NEK1: variants seen among roughly 807,000 people sequenced by gnomAD.
NEK1 encodes NIMA related kinase 1.
In NEK1, 137 loss-of-function variants were observed where a neutral mutation model predicts 182.1. That is an observed-to-expected ratio of 0.75 (90% CI 0.65 to 0.87). The LOEUF (loss-of-function observed/expected upper bound fraction) is 0.87, where lower values mean the gene tolerates loss of function less well. NEK1 is among the 40% of genes least tolerant of loss of function. The pLI is 0.00. For synonymous variants in NEK1, 513 were observed against 492.2 expected, an observed-to-expected ratio of 1.04 and a Z score of -0.56; for missense variants, 1,391 against 1,494.4, an observed-to-expected ratio of 0.93 and a Z score of 1.14.
rs1293615160 is a variant in NEK1, at chr4:169,466,587, A to G, written c.2435-3192T>C. On this transcript the variant is annotated intron_variant, in intron 26 of 35. Transcript: ENST00000507142. ...AAAATATCTTTGCAAAAGGAAGGCT[A>G]AATAAAATAAAAATAAAAACTTTTA... Among the ~76,000 whole-genome samples the G allele has an allele frequency of 2.0e-5, 3 of 152,210 alleles. No individual in the cohort carries two copies. The East Asian group carries it at 5.8e-4, about 29-fold the overall frequency.
chr4:169,591,085 A>C (rs752746540), intron 5 of NEK1, among the ~76,000 whole-genome samples: 1 of 152,130 alleles, frequency 6.6e-6, no homozygotes, highest in Admixed American at 6.5e-5. Flanking sequence ...TTTATATTTT[A>C]TAATATTAAG....
In NEK1 at chr4:169,413,237, G is replaced by A. The variant is rs553401092; in HGVS notation, c.3223-6490C>T. 2.0e-4 allele frequency among the ~76,000 whole-genome samples: 30 copies of A among 151,684 alleles called. 1 individual carries two copies. The South Asian group carries it at 6.0e-3, about 30-fold the overall frequency. On this transcript the variant is annotated intron_variant, in intron 31 of 35. Coordinates refer to ENST00000507142, the MANE Select transcript of NEK1 (RefSeq NM_001199397.3). Reference sequence around the variant, plus strand: ...GGCTGGAGCGTGACGGCATGAACACGGCTTACTGCAGCCTTGACTTCCTGG... The same window carrying A: ...GGCTGGAGCGTGACGGCATGAACACAGCTTACTGCAGCCTTGACTTCCTGG...
Position 169,612,250 on chromosome 4 carries a change from G to T in NEK1, c.-201C>A, listed in dbSNP as rs1260642419. ...ACACTCGTCTTCAGTTGATACCACG[G>T]GTTTGACTCCGTCCTGTCTCGGGCG... On this transcript the variant is annotated 5_prime_UTR_variant, in exon 1 of 36. Coordinates refer to ENST00000507142, the MANE Select transcript of NEK1 (RefSeq NM_001199397.3). 6.6e-6 allele frequency: 1 copy of T among 152,328 alleles called. No homozygotes were observed. Among genetic ancestry groups the T allele is most frequent in the African/African-American group, 2.4e-5 (1 of 41,464 alleles). The allele number at this position is 152,328 out of a possible 1,614,324, so 9.4% of individuals were successfully genotyped here.
chr4:169,475,027 G>C (rs1280407773), intron 26 of NEK1, among the ~76,000 whole-genome samples: 1 of 152,134 alleles, frequency 6.6e-6, no homozygotes, highest in Admixed American at 6.6e-5. Context: ...GTCCCTGAGA[G>C]AGGGAAAAAA....
rs1255756990 is a variant in NEK1 at position 169,508,781 on chromosome 4, G to C, written c.1737C>G (p.Asn579Lys). 2.6e-5 allele frequency: 41 copies of C among 1,583,410 alleles called. No individual in the cohort carries two copies. Among genetic ancestry groups the C allele is most frequent in the Non-Finnish European group, 3.5e-5 (41 of 1,172,306 alleles). The change falls in exon 20 of 36, where the codon AAC becomes AAG. Residue 579 changes from asparagine (N) to lysine (K), a missense_variant. This residue lies in a region of NEK1 where 1,216 missense variants were observed against 1,277.6 expected (regional missense o/e 0.95). Coordinates refer to ENST00000507142, the MANE Select transcript of NEK1 (RefSeq NM_001199397.3). Reference sequence around the variant, plus strand: ...GCGGGAAGCATACCTCTTCCTCTTTGTTTCTTGGCTTCCCTCCTCTTGAAG... The same window carrying C: ...GCGGGAAGCATACCTCTTCCTCTTTCTTTCTTGGCTTCCCTCCTCTTGAAG... ...PSSSRGGKPRNKEEEVYLARL... is the reference protein window; with the variant it reads ...PSSSRGGKPRKKEEEVYLARL...
intron 31 of NEK1, among the ~76,000 whole-genome samples, chr4:169,423,723 T>C (rs1735878795): frequency 6.6e-6 from 1 of 152,134 alleles, no homozygotes; most frequent in Admixed American, 6.5e-5. Flanking sequence ...TAATTGTAGA[T>C]ATGTACAAAG....
At chr4:169,545,783 G>A (rs1257543046) in intron 18 of NEK1, among the ~76,000 whole-genome samples, 1 of 151,980 alleles carries the variant, frequency 6.6e-6, no homozygotes, top group Non-Finnish European at 1.5e-5. Flanking sequence ...GTTTTGATTT[G>A]CATTTCTCTG....
chr4:169,575,192 G>A (rs1178705982), intron 12 of NEK1, among the ~76,000 whole-genome samples: 1 of 152,134 alleles, frequency 6.6e-6, no homozygotes, highest in Non-Finnish European at 1.5e-5. Context: ...GGCCCACTTA[G>A]GTTTGAATAC....
At chr4:169,567,645 C>T (rs13327919) in intron 12 of NEK1, among the ~76,000 whole-genome samples, 13,403 of 152,194 alleles carry the variant, frequency 0.088, 766 homozygotes, top group African/African-American at 0.16. Context: ...CCACCTGCCT[C>T]GGCCTCCCAA....
At chr4:169,582,920 A>G (rs1199804661) in intron 10 of NEK1, among the ~76,000 whole-genome samples, 1 of 152,074 alleles carries the variant, frequency 6.6e-6, no homozygotes, top group East Asian at 1.9e-4. Context: ...CAGCCCCTAC[A>G]TTCCTAATGA....
chr4:169,561,507 T>C lies in NEK1; in HGVS notation c.1239A>G (p.Leu413=), dbSNP rs1762895466. The change falls in exon 16 of 36, where the codon CTA becomes CTG. Residue 413 remains leucine (L), a synonymous_variant. Transcript: ENST00000507142. ...RAREQGWRNV[L]SAGGSGEVKA... is the part of the protein sequence containing the mutation. ...TTACTTCACCACTTCCACCAGCACT[T>C]AGCACATTTCTCCATCCTTGTTCCC... 1.2e-6 allele frequency: 2 copies of C among 1,613,602 alleles called. No individual in the cohort carries two copies. The highest frequency in any genetic ancestry group is 1.7e-6 in the Non-Finnish European group (2 of 1,179,672).
chr4:169,593,903 G>C (rs1301505753), intron 5 of NEK1, among the ~76,000 whole-genome samples: 1 of 151,828 alleles, frequency 6.6e-6, no homozygotes, highest in Non-Finnish European at 1.5e-5. Context: ...GCAGGAGAAT[G>C]GCGTGAACCC....
chr4:169,403,070 T>C (rs1291728882), intron 32 of NEK1, among the ~76,000 whole-genome samples: 1 of 152,344 alleles, frequency 6.6e-6, no homozygotes, highest in Middle Eastern at 3.4e-3. Flanking sequence ...AACACTATTG[T>C]GTAAGACTGT....
intron 19 of NEK1, among the ~76,000 whole-genome samples, chr4:169,514,000 T>TA (rs57979138): frequency 6.6e-6 from 1 of 151,080 alleles, no homozygotes; most frequent in African/African-American, 2.4e-5. Flanking sequence ...TTTATTTATT[T>TA]TTTGAGACAG....
chr4:169,492,719 A>C (rs1750342716), intron 23 of NEK1, among the ~76,000 whole-genome samples: 1 of 152,166 alleles, frequency 6.6e-6, no homozygotes, highest in Admixed American at 6.5e-5. Flanking sequence ...ACCCGCAGAC[A>C]TACTACACAA....
chr4:169,508,265 T>C lies in NEK1; in HGVS notation c.1816A>G (p.Lys606Glu), dbSNP rs200676072. The part of the protein sequence containing the change: ...NFNERQQIKA[K>E]LRGEKKEANH... ...CAACCTACCTTTTCACCACGAAGTT[T>C]GGCTTTAATCTGTTGGCGCTCATTG... Residue 606 changes from lysine to glutamate, a missense_variant, in exon 21 of 36, where the codon AAA becomes GAA. Transcript: ENST00000507142. 2 of 1,591,858 alleles carry C rather than the reference T, an allele frequency of 1.3e-6. No homozygotes were observed. Among genetic ancestry groups the C allele is most frequent in the Admixed American group, 1.8e-5 (1 of 56,058 alleles).
intron 18 of NEK1, among the ~76,000 whole-genome samples, chr4:169,539,810 C>T (rs1167146020): frequency 6.6e-6 from 1 of 152,070 alleles, no homozygotes; most frequent in Non-Finnish European, 1.5e-5. Flanking sequence ...GATCTCTCTG[C>T]TGTGTATCCT....
chr4:169,477,013 CTT>C (rs1287027416), intron 26 of NEK1, 109 bp downstream of exon 26: 18 of 700,412 alleles, frequency 2.6e-5, no homozygotes, highest in Non-Finnish European at 3.8e-5. Context: ...ATATAGAATT[CTT>C]TCAGCTTCTC....
intron 26 of NEK1, among the ~76,000 whole-genome samples, chr4:169,471,260 T>G (rs971228813): frequency 1.3e-5 from 2 of 152,222 alleles, no homozygotes; most frequent in African/African-American, 4.8e-5. Flanking sequence ...TTCGTGAATT[T>G]ATCTACCTTT....
Sources: gnomAD v4.1 joint callset for allele counts (sites outside exome capture counted in the v4.1 genomes callset) on GRCh38, gnomAD v4.1.1 for gene constraint, gnomAD v4.1.1 regional missense constraint, MANE v1.5 for transcripts, NCBI Gene and HGNC (gene_info 2026-07-23, HGNC 2026-07-21) for gene names.